FABP3: variants seen among roughly 807,000 people sequenced by gnomAD.
FABP3 encodes the protein fatty acid binding protein 3, also known as fatty acid-binding protein, heart.
In FABP3, 8 loss-of-function variants were observed where a neutral mutation model predicts 13.4. The ratio of observed to expected loss-of-function variants is 0.60; its 90% CI spans 0.35 to 1.07. The LOEUF is 1.07. Ranked by LOEUF, FABP3 falls within the 50% of genes least tolerant of loss-of-function variation. The pLI is 0.02. For synonymous variants in FABP3, 64 were observed against 60.0 expected (o/e 1.07, Z -0.31); for missense variants, 135 against 164.7 (o/e 0.82, Z 0.99).
rs1640096567 is a variant in FABP3, at chr1:31,365,827, G to A, written c.*59C>T. On this transcript the variant is annotated 3_prime_UTR_variant, in exon 4 of 4. Coordinates refer to ENST00000373713, the MANE Select transcript of FABP3 (RefSeq NM_004102.5). ...TGCAGAGGAAGAAATGAGGCAATGT[G>A]GTGCTGAGTCGAGGGGTAGCCGATT... 1.4e-6 allele frequency: 2 copies of A among 1,455,200 alleles called. No individual in the cohort carries two copies. Among genetic ancestry groups the A allele is most frequent in the South Asian group, 2.3e-5 (2 of 87,374 alleles). The allele number at this position is 1,455,200 out of a possible 1,614,324, so 90.1% of individuals were successfully genotyped here. A position where few individuals can be genotyped will look rare whatever the true frequency, so the allele number is the denominator to read the frequency against.
intron 1 of FABP3, among the ~76,000 whole-genome samples, chr1:31,370,987 G>C (rs1183134988): frequency 6.6e-6 from 1 of 152,262 alleles, no homozygotes; most frequent in Admixed American, 6.5e-5. Context: ...AGAGTGCGAA[G>C]TGTCTTGTCG....
At chr1:31,364,341 C>T (rs1341851517), downstream of FABP3, 1 of 1,389,846 alleles carries the variant, frequency 7.2e-7, no homozygotes, top group African/African-American at 1.5e-5. Context: ...ATGCAACAGG[C>T]AGGTTTGGGA....
At chr1:31,369,308 G>A in intron 2 of FABP3, 77 bp downstream of exon 2, 2 of 1,489,218 alleles carry the variant, frequency 1.3e-6, no homozygotes, top group Non-Finnish European at 1.8e-6. Flanking sequence ...TGCAATACCA[G>A]GGAGCCAAGA....
intron 3 of FABP3, among the ~76,000 whole-genome samples, chr1:31,366,363 C>T (rs1290250711): frequency 1.3e-5 from 2 of 152,086 alleles, no homozygotes; most frequent in Non-Finnish European, 2.9e-5. Flanking sequence ...CCAATCCTTC[C>T]CTAACTTAGA....
chr1:31,371,101 C>T (rs1640201241), intron 1 of FABP3, among the ~76,000 whole-genome samples: 2 of 152,222 alleles, frequency 1.3e-5, no homozygotes, highest in African/African-American at 4.8e-5. Flanking sequence ...CAATCCAGGC[C>T]AGCAGTTGTG....
At chr1:31,367,318 C>CT in intron 3 of FABP3, 75 bp downstream of exon 3, 1 of 1,289,150 alleles carries the variant, frequency 7.8e-7, no homozygotes, top group Non-Finnish European at 1.1e-6. Flanking sequence ...GAGGACTTGG[C>CT]TTTTTAGAAC....
downstream of FABP3, chr1:31,364,008 T>G (rs998212054): frequency 1.9e-6 from 3 of 1,607,376 alleles, no homozygotes; most frequent in Non-Finnish European, 2.5e-6. Flanking sequence ...CATACAGTGT[T>G]GATTTTTAAA....
At chr1:31,363,086 T>C (rs577328646), downstream of FABP3, among the ~76,000 whole-genome samples, 5 of 152,298 alleles carry the variant, frequency 3.3e-5, no homozygotes, top group African/African-American at 1.2e-4. Flanking sequence ...GAACCTACAA[T>C]ACATATTATG....
chr1:31,361,812 T>C (rs61780111), downstream of FABP3, among the ~76,000 whole-genome samples: 3 of 133,040 alleles, frequency 2.3e-5, no homozygotes, highest in Non-Finnish European at 3.5e-5. Context: ...TTTATTTATT[T>C]ATTTATTTAT....
Position 31,365,759 on chromosome 1 carries a change from C to A in FABP3, c.*127G>T. 1.2e-6 allele frequency: 1 copy of A among 814,614 alleles called. No individual in the cohort carries two copies. Among genetic ancestry groups the A allele is most frequent in the South Asian group, 1.5e-5 (1 of 67,638 alleles). The allele number at this position is 814,614 out of a possible 1,614,324, so 50.5% of individuals were successfully genotyped here. Reference sequence around the variant, plus strand: ...ATGGGAACTGGAACTGGATCCCGGTCAGTGGCACCTGACCCCAGAAGAATT... The same window carrying A: ...ATGGGAACTGGAACTGGATCCCGGTAAGTGGCACCTGACCCCAGAAGAATT... On this transcript the variant is annotated 3_prime_UTR_variant, in exon 4 of 4. Transcript: ENST00000373713.
At chr1:31,363,932 G>A (rs1296026751), downstream of FABP3, 1 of 1,486,216 alleles carries the variant, frequency 6.7e-7, no homozygotes, top group African/African-American at 1.4e-5. Flanking sequence ...CAAAGTACTA[G>A]GATTACAGGT....
At chr1:31,370,119 G>C (rs1194571248) in intron 1 of FABP3, among the ~76,000 whole-genome samples, 2 of 109,190 alleles carry the variant, frequency 1.8e-5, no homozygotes, top group African/African-American at 6.4e-5. Context: ...AAAAAAAAAA[G>C]CTACTATTAA....
At chr1:31,368,539 A>G (rs1489898190) in intron 2 of FABP3, among the ~76,000 whole-genome samples, 1 of 152,158 alleles carries the variant, frequency 6.6e-6, no homozygotes, top group African/African-American at 2.4e-5. Context: ...CACCTGTGTG[A>G]TCCTGTTCTT....
At chr1:31,361,570 G>T (rs1448636438), downstream of FABP3, among the ~76,000 whole-genome samples, 3 of 152,172 alleles carry the variant, frequency 2.0e-5, no homozygotes, top group African/African-American at 7.2e-5. Context: ...AAAATTTGTT[G>T]TTCTAATGAC....
At chr1:31,372,350 G>T (rs1303315689) in intron 1 of FABP3, among the ~76,000 whole-genome samples, 1 of 152,072 alleles carries the variant, frequency 6.6e-6, no homozygotes, top group Non-Finnish European at 1.5e-5. Context: ...TGCAGGACAA[G>T]GTCAGACTGG....
At chr1:31,368,312 T>G (rs1421017834) in intron 2 of FABP3, among the ~76,000 whole-genome samples, 2 of 152,216 alleles carry the variant, frequency 1.3e-5, no homozygotes, top group Non-Finnish European at 2.9e-5. Flanking sequence ...TTTTTTATCC[T>G]TACCTTACTC....
At chr1:31,369,711 C>T in intron 1 of FABP3, 154 bp from the exon 2 acceptor site, 1 of 690,516 alleles carries the variant, frequency 1.4e-6, no homozygotes, top group Non-Finnish European at 2.4e-6. Flanking sequence ...CAGTCTTGCG[C>T]TTAGTTCTGT....
intron 1 of FABP3, 152 bp downstream of exon 1, chr1:31,372,790 C>T (rs1436648771): frequency 2.8e-6 from 2 of 717,394 alleles, no homozygotes; most frequent in Non-Finnish European, 4.8e-6. Context: ...CCCCTCTGAA[C>T]AGGCCCCACC....
At chr1:31,367,803 C>T (rs1557469771) in intron 2 of FABP3, among the ~76,000 whole-genome samples, 1 of 152,152 alleles carries the variant, frequency 6.6e-6, no homozygotes, top group East Asian at 1.9e-4. Flanking sequence ...AAGACAGACA[C>T]TTATCTGTAC....
Sources: allele counts gnomAD v4.1 joint callset (sites outside exome capture counted in the v4.1 genomes callset), GRCh38; gene constraint gnomAD v4.1.1; transcripts MANE v1.5; gene names NCBI Gene and HGNC (gene_info 2026-07-23, HGNC 2026-07-21).